INSYN2B: variants seen among roughly 807,000 people sequenced by gnomAD.
INSYN2B encodes protein INSYN2B.
INSYN2B carries 16 observed loss-of-function variants against 41.2 expected under a neutral mutation model. The observed-to-expected ratio is 0.39, with a 90% CI of 0.26 to 0.59. The LOEUF (loss-of-function observed/expected upper bound fraction) is 0.59, where lower values mean the gene tolerates loss of function less well. Among genes scored for constraint, INSYN2B ranks in the 20% least tolerant of loss-of-function variants. The pLI, the probability that INSYN2B is intolerant of heterozygous loss-of-function variation, is 0.57. For synonymous variants in INSYN2B, 245 were observed against 244.4 expected (o/e 1.00, Z -0.02); for missense variants, 608 against 646.4 (o/e 0.94, Z 0.64).
At chr5:169,946,344 G>A (rs778871994) in intron 1 of INSYN2B, among the ~76,000 whole-genome samples, 9 of 152,224 alleles carry the variant, frequency 5.9e-5, no homozygotes, top group African/African-American at 9.6e-5. Flanking sequence ...CTAACTGGGC[G>A]ACTGAGGGGG....
intron 3 of INSYN2B, among the ~76,000 whole-genome samples, chr5:169,869,167 C>T (rs560043246): frequency 8.9e-4 from 136 of 152,338 alleles, no homozygotes; most frequent in Non-Finnish European, 1.3e-3. Context: ...TTCAGCTCTT[C>T]AGTAGCTGCG....
In INSYN2B at chr5:169,864,082, G is replaced by A. The variant is rs747249754; in HGVS notation, c.*191C>T. On this transcript the variant is annotated 3_prime_UTR_variant, in exon 4 of 4. Transcript: ENST00000377365. ...TGAAGCCCTCAGCAAGCAGTCGCACGCACTCAGGTAAGGATCGTGGTCAGG... is the reference window on the plus strand; with the variant it reads ...TGAAGCCCTCAGCAAGCAGTCGCACACACTCAGGTAAGGATCGTGGTCAGG... Among the ~76,000 whole-genome samples, 4 of 152,178 alleles carry A rather than the reference G, an allele frequency of 2.6e-5. No homozygotes were observed. The highest frequency in any genetic ancestry group is 4.8e-5 in the African/African-American group (2 of 41,456).
At chr5:169,926,502 C>A (rs1332672242) in intron 1 of INSYN2B, among the ~76,000 whole-genome samples, 1 of 152,154 alleles carries the variant, frequency 6.6e-6, no homozygotes, top group African/African-American at 2.4e-5. Flanking sequence ...TCAAAGAAAG[C>A]TTTGTGAACA....
intron 3 of INSYN2B, among the ~76,000 whole-genome samples, chr5:169,872,877 T>C (rs914274936): frequency 2.0e-5 from 3 of 152,226 alleles, no homozygotes; most frequent in Non-Finnish European, 2.9e-5. Context: ...ATGTTAATCC[T>C]ATCCACATTT....
chr5:169,962,469 T>C (rs1264087495), intron 1 of INSYN2B, among the ~76,000 whole-genome samples: 1 of 152,080 alleles, frequency 6.6e-6, no homozygotes, highest in East Asian at 1.9e-4. Flanking sequence ...AGCAAAGGTG[T>C]GAAGATGAAG....
At position 169,862,369 on chromosome 5, in the gene INSYN2B, A is replaced by G. The variant is rs1468648218; in HGVS notation, c.*1904T>C. On this transcript the variant is annotated 3_prime_UTR_variant, in exon 4 of 4. Transcript: ENST00000377365. ...AATTCACATGAAATTAGCGTAAGCAAAGCAAATTAAGATGGAAGCTCTACT... is the reference window on the plus strand; with the variant it reads ...AATTCACATGAAATTAGCGTAAGCAGAGCAAATTAAGATGGAAGCTCTACT... Among the ~76,000 whole-genome samples, 2 of 152,222 alleles carry G rather than the reference A, an allele frequency of 1.3e-5. No homozygotes were observed. Among genetic ancestry groups the G allele is most frequent in the African/African-American group, 4.8e-5 (2 of 41,456 alleles).
rs573239822 is a variant in INSYN2B, at chr5:169,926,497, G to A, written c.-918-41681C>T. On this transcript the variant is annotated intron_variant, in intron 1 of 3. Coordinates refer to ENST00000377365, the MANE Select transcript of INSYN2B (RefSeq NM_001129891.3). ...GTGAGCTCAGGTGGCCATGTTCAAAGAAAGCTTTGTGAACATGATGACTGA... is the reference window on the plus strand; with the variant it reads ...GTGAGCTCAGGTGGCCATGTTCAAAAAAAGCTTTGTGAACATGATGACTGA... Among the ~76,000 whole-genome samples, 24 of 152,300 alleles carry A rather than the reference G, an allele frequency of 1.6e-4. No individual in the cohort carries two copies. The South Asian group carries it at 4.6e-3, about 29-fold the overall frequency.
intron 3 of INSYN2B, among the ~76,000 whole-genome samples, chr5:169,866,147 C>T (rs1771542820): frequency 6.6e-6 from 1 of 151,940 alleles, no homozygotes; most frequent in African/African-American, 2.4e-5. Context: ...TCTTAGGGAG[C>T]ACTAGGAAAG....
Position 169,868,587 on chromosome 5 carries a change from C to T in INSYN2B, c.1422-4128G>A, listed in dbSNP as rs183045672. Among the ~76,000 whole-genome samples the T allele has an allele frequency of 7.2e-4, 109 of 152,168 alleles. 1 individual carries two copies. Among genetic ancestry groups the T allele is most frequent in the Middle Eastern group, 3.4e-3 (1 of 294 alleles). ...CAGCCTGGGCAACATAGCGAGACACCATCTCTACAAAAAGTAAAAAATTAG... is the reference window on the plus strand; with the variant it reads ...CAGCCTGGGCAACATAGCGAGACACTATCTCTACAAAAAGTAAAAAATTAG... On this transcript the variant is annotated intron_variant, in intron 3 of 3. Coordinates refer to ENST00000377365, the MANE Select transcript of INSYN2B (RefSeq NM_001129891.3).
rs551288092 is a variant in INSYN2B, at chr5:169,903,697, G to A, written c.-918-18881C>T. On this transcript the variant is annotated intron_variant, in intron 1 of 3. Transcript: ENST00000377365. ...TTCCTAGAGGGTCGAACTTACTCGG[G>A]GCAGGGGGAGAAAAGAAGTAAGTTT... 8.5e-5 allele frequency among the ~76,000 whole-genome samples: 13 copies of A among 152,220 alleles called. No homozygotes were observed. The East Asian group carries it at 2.3e-3, about 27-fold the overall frequency.
chr5:169,868,402 T>C (rs752005945), intron 3 of INSYN2B, among the ~76,000 whole-genome samples: 1 of 152,200 alleles, frequency 6.6e-6, no homozygotes, highest in Non-Finnish European at 1.5e-5. Context: ...ATAATTCAAA[T>C]AAACAAACAA....
At chr5:169,948,816 C>T (rs1776546923) in intron 1 of INSYN2B, among the ~76,000 whole-genome samples, 1 of 151,932 alleles carries the variant, frequency 6.6e-6, no homozygotes, top group Non-Finnish European at 1.5e-5. Flanking sequence ...GCCAGTTCCT[C>T]AGGATGGTTT....
At position 169,956,001 on chromosome 5, in the gene INSYN2B, G is replaced by A. The variant is rs1202141461; in HGVS notation, c.-919+24276C>T. ...GAACAGGGTGTGGCTCTGGAGCTCA[G>A]GGAAACAAAGAGTCAAATGTGGGGG... is the stretch of plus-strand genomic sequence containing the variant. On this transcript the variant is annotated intron_variant, in intron 1 of 3. Transcript: ENST00000377365. 7.3e-5 allele frequency among the ~76,000 whole-genome samples: 11 copies of A among 151,538 alleles called. No individual in the cohort carries two copies. In the South Asian group the frequency reaches 2.1e-3, roughly 29 times the overall value.
In INSYN2B at chr5:169,949,719, G is replaced by C. The variant is rs558925313; in HGVS notation, c.-919+30558C>G. ...AAATTACAGAGATCAAAAGGGAACA[G>C]AGTAGGAGAGTTTCTGAGTGTACAC... is the stretch of plus-strand genomic sequence containing the variant. On this transcript the variant is annotated intron_variant, in intron 1 of 3. Coordinates refer to ENST00000377365, the MANE Select transcript of INSYN2B (RefSeq NM_001129891.3). Among the ~76,000 whole-genome samples, 3 of 77,558 alleles carry C rather than the reference G, an allele frequency of 3.9e-5. No homozygotes were observed. In the South Asian group the frequency reaches 8.9e-4, roughly 23 times the overall value. The allele number at this position is 77,558 out of a possible 152,430, so 50.9% of individuals were successfully genotyped here.
At chr5:169,873,942 G>A (rs748758106) in intron 3 of INSYN2B, among the ~76,000 whole-genome samples, 2 of 152,130 alleles carry the variant, frequency 1.3e-5, no homozygotes, top group Non-Finnish European at 2.9e-5. Context: ...CTGCATTCCA[G>A]GGAGCCTCCT....
At chr5:169,935,379 G>A (rs1398728932) in intron 1 of INSYN2B, among the ~76,000 whole-genome samples, 3 of 151,988 alleles carry the variant, frequency 2.0e-5, no homozygotes, top group African/African-American at 7.3e-5. Flanking sequence ...AACCATCGCA[G>A]AGGCCTAGAA....
At position 169,881,356 on chromosome 5, in the gene INSYN2B, G is replaced by A; in HGVS notation, c.1421+12C>T. ...ATGGTCTACAGAGCAGGCCTCGCTTGTGGCCAGGTACCTGTATATGATGCA... is the reference window on the plus strand; with the variant it reads ...ATGGTCTACAGAGCAGGCCTCGCTTATGGCCAGGTACCTGTATATGATGCA... On this transcript the variant is annotated intron_variant, in intron 3 of 3. Coordinates refer to ENST00000377365, the MANE Select transcript of INSYN2B (RefSeq NM_001129891.3). 6.4e-7 allele frequency: 1 copy of A among 1,550,484 alleles called. No homozygotes were observed. Among genetic ancestry groups the A allele is most frequent in the Non-Finnish European group, 8.7e-7 (1 of 1,145,910 alleles).
rs113163634 is a variant in INSYN2B at position 169,903,675 on chromosome 5, C to G, written c.-918-18859G>C. Among the ~76,000 whole-genome samples the G allele has an allele frequency of 4.6e-3, 696 of 151,924 alleles. 6 individuals carry two copies. Among genetic ancestry groups the G allele is most frequent in the African/African-American group, 0.016 (658 of 41,432 alleles). ...TGGAACTGATAGAAGTTCAGACTTC[C>G]TAGAGGGTCGAACTTACTCGGGGCA... On this transcript the variant is annotated intron_variant, in intron 1 of 3. Coordinates refer to ENST00000377365, the MANE Select transcript of INSYN2B (RefSeq NM_001129891.3).
At chr5:169,899,297 C>T (rs1288004714) in intron 1 of INSYN2B, among the ~76,000 whole-genome samples, 1 of 152,176 alleles carries the variant, frequency 6.6e-6, no homozygotes, top group Non-Finnish European at 1.5e-5. Context: ...CTTAGATCCT[C>T]AGAGTGCCTG....
Sources: gnomAD v4.1 joint callset for allele counts (sites outside exome capture counted in the v4.1 genomes callset) on GRCh38, gnomAD v4.1.1 for gene constraint, MANE v1.5 for transcripts, NCBI Gene and HGNC (gene_info 2026-07-23, HGNC 2026-07-21) for gene names.